Variants in PRC1 observed in about 807,000 individuals in gnomAD.
The protein encoded by PRC1 is anaphase spindle elongation 1 homolog.
In PRC1, 54 loss-of-function variants were observed where a neutral mutation model predicts 91.2. The ratio of observed to expected loss-of-function variants is 0.59; its 90% CI spans 0.48 to 0.74. PRC1 has a LOEUF of 0.74. PRC1 is among the 30% of genes least tolerant of loss of function. PRC1 has a pLI of 0.00. For missense variants in PRC1, 727 were observed against 746.2 expected (o/e 0.97, Z 0.30); for synonymous variants, 275 against 263.6 (o/e 1.04, Z -0.42).
chr15:90,970,981 T>G (rs1567181431), intron 11 of PRC1, among the ~76,000 whole-genome samples: 2 of 152,152 alleles, frequency 1.3e-5, no homozygotes, highest in Non-Finnish European at 2.9e-5. Flanking sequence ...GAGTGACCTT[T>G]TGATACATAC....
rs1349769959 is a variant in PRC1 at position 90,987,230 on chromosome 15, A to G, written c.12-2405T>C. ...TGAGAGGATGAGGCTGCAGTGAGCT[A>G]TGATCACTGCACTCCAAAGCAACAC... is the stretch of plus-strand genomic sequence containing the variant. On this transcript the variant is annotated intron_variant, in intron 1 of 14. Transcript: ENST00000394249. 2.0e-5 allele frequency among the ~76,000 whole-genome samples: 3 copies of G among 152,096 alleles called. 1 individual carries two copies. The highest frequency in any genetic ancestry group is 4.4e-5 in the Non-Finnish European group (3 of 68,018).
At chr15:90,989,511 G>A (rs1162318270) in intron 1 of PRC1, among the ~76,000 whole-genome samples, 1 of 148,964 alleles carries the variant, frequency 6.7e-6, no homozygotes, top group Non-Finnish European at 1.5e-5. Context: ...CTCCCAAAGT[G>A]TTGGGATAAC....
At chr15:90,980,795 T>G (rs1338200737) in intron 6 of PRC1, 89 bp downstream of exon 6, 1 of 1,562,596 alleles carries the variant, frequency 6.4e-7, no homozygotes. Context: ...CATGAACCAC[T>G]GAGCCTGGCC....
chr15:90,968,323 T>A (rs2037718910), intron 14 of PRC1: 1 of 985,404 alleles, frequency 1.0e-6, no homozygotes, highest in South Asian at 4.7e-5. Context: ...GTTTCAGTGA[T>A]CAAAACTAGC....
At chr15:90,968,696 T>TG (rs2037764429) in intron 14 of PRC1, 1 of 1,053,812 alleles carries the variant, frequency 9.5e-7, no homozygotes, top group South Asian at 3.3e-5. Context: ...CAGGAAATAA[T>TG]CAGCACACAG....
Position 90,984,782 on chromosome 15 carries a change from G to C in PRC1, c.55C>G (p.Leu19Val), listed in dbSNP as rs1212891875. 1 of 1,613,998 alleles carries C rather than the reference G, an allele frequency of 6.2e-7. No individual in the cohort carries two copies. The highest frequency in any genetic ancestry group is 2.2e-5 in the East Asian group (1 of 44,896). The stretch of plus-strand genomic sequence containing the variant: ...TCCCATATTTCCCGAAGGTGATTTA[G>C]GGCTTTCTGCAGACATACTATGGAC... ...EESIVCLQKA[L>V]NHLREIWELI... Residue 19 changes from leucine to valine, a missense_variant, in exon 2 of 15, where the codon CTA becomes GTA. Physicochemically the swap from Leu to Val is conservative, Grantham distance 32. Transcript: ENST00000394249. The surrounding 1 kb of genome is among the most constrained non-coding windows in gnomAD (Gnocchi z 5.1).
At position 90,974,719 on chromosome 15, in the gene PRC1, A is replaced by G. The variant is rs778404233; in HGVS notation, c.1216T>C (p.Leu406=). 3 of 1,613,898 alleles carry G rather than the reference A, an allele frequency of 1.9e-6. No homozygotes were observed. The highest frequency in any genetic ancestry group is 2.5e-6 in the Non-Finnish European group (3 of 1,180,008). Residue 406 remains leucine (L), a synonymous_variant, in exon 10 of 15, where the codon TTG becomes CTG. Coordinates refer to ENST00000394249, the MANE Select transcript of PRC1 (RefSeq NM_003981.4). The surrounding 1 kb of genome is among the most constrained non-coding windows in gnomAD (Gnocchi z 4.6). ...QKMLPKLEEE[L]KARIELWEQE... ...TCCCACAATTCAATTCGTGCCTTCA[A>G]CTCTTCTTCCAGCTGAGACCAGAAA...
At chr15:90,973,844 C>G (rs1303916373) in intron 11 of PRC1, among the ~76,000 whole-genome samples, 1 of 152,042 alleles carries the variant, frequency 6.6e-6, no homozygotes, top group Non-Finnish European at 1.5e-5. Context: ...CCCACTATCA[C>G]CCTGTCCTCC....
chr15:90,989,775 CA>C (rs891881882), intron 1 of PRC1, among the ~76,000 whole-genome samples: 1 of 151,914 alleles, frequency 6.6e-6, no homozygotes, highest in South Asian at 2.1e-4. Flanking sequence ...ACCTTGAAAA[CA>C]TTATGTTAAG....
Position 90,981,031 on chromosome 15 carries a change from C to T in PRC1, c.675G>A (p.Leu225=). 5 of 1,614,096 alleles carry T rather than the reference C, an allele frequency of 3.1e-6. No homozygotes were observed. Among genetic ancestry groups the T allele is most frequent in the Non-Finnish European group, 4.2e-6 (5 of 1,180,024 alleles). The change falls in exon 6 of 15, where the codon CTG becomes CTA. Residue 225 remains leucine (L), a splice_region_variant and synonymous_variant. Transcript: ENST00000394249. ...IATLQKLLRQ[L]EMQKSQNEAV... ...CTTCATTTTGTGATTTCTGCATTTC[C>T]AGCTACAGCATAGAAAGCCAGTGTC...
At chr15:90,987,511 A>G (rs2039671087) in intron 1 of PRC1, 1 of 152,236 alleles carries the variant, frequency 6.6e-6, no homozygotes, top group Non-Finnish European at 1.5e-5. Flanking sequence ...TTTATCTAAA[A>G]TACAAATTTA....
intron 1 of PRC1, among the ~76,000 whole-genome samples, chr15:90,991,188 G>A (rs1371274087): frequency 2.6e-5 from 4 of 151,768 alleles, no homozygotes; most frequent in African/African-American, 9.7e-5. Flanking sequence ...GGCCAAGGCG[G>A]GCGGATCACC....
In PRC1 at chr15:90,968,279, C is replaced by T. The variant is rs113525625; in HGVS notation, c.1791+800G>A. The T allele has an allele frequency of 4.1e-3, 4,034 of 985,384 alleles. 131 individuals carry two copies. In the African/African-American group the frequency reaches 0.065, roughly 16 times the overall value. The allele number at this position is 985,384 out of a possible 1,614,324, so 61.0% of individuals were successfully genotyped here. A position where few individuals can be genotyped will look rare whatever the true frequency, so the allele number is the denominator to read the frequency against. On this transcript the variant is annotated intron_variant, in intron 14 of 14. Transcript: ENST00000394249. ...TTAAAGGTAGAAGCACCACCAGCCA[C>T]GTAATTTGAAAAACATGCTGGAGTA...
At position 90,969,067 on chromosome 15, in the gene PRC1, T is replaced by G. The variant is rs1297863858; in HGVS notation, c.1791+12A>C. 1.9e-6 allele frequency: 3 copies of G among 1,614,076 alleles called. No individual in the cohort carries two copies. Among genetic ancestry groups the G allele is most frequent in the South Asian group, 2.2e-5 (2 of 91,076 alleles). Reference sequence around the variant, plus strand: ...GTTTGGAAAAGGGACATGCAGGGATTGCCATACAGACCTGAAGCCCAACAG... The same window carrying G: ...GTTTGGAAAAGGGACATGCAGGGATGGCCATACAGACCTGAAGCCCAACAG... On this transcript the variant is annotated intron_variant, in intron 14 of 14. Transcript: ENST00000394249.
intron 14 of PRC1, chr15:90,967,473 A>T (rs554460729): frequency 4.4e-6 from 2 of 451,210 alleles, no homozygotes; most frequent in African/African-American, 3.9e-5. Context: ...AATCCTTCAT[A>T]CAGTCATGCA....
chr15:90,981,631 C>T lies in PRC1; in HGVS notation c.540G>A (p.Gln180=), dbSNP rs751043836. Residue 180 remains glutamine, a synonymous_variant, in exon 5 of 15, where the codon CAG becomes CAA. Transcript: ENST00000394249. The part of the protein sequence containing the change: ...RREEFVSIKR[Q]IILCMEALDH... ...CTAATGCTTCCATACACAGTATGAT[C>T]TGTCTCTTTATACTGACAAACTCCT... is the stretch of plus-strand genomic sequence containing the variant. 6.2e-7 allele frequency: 1 copy of T among 1,614,062 alleles called. No homozygotes were observed. Among genetic ancestry groups the T allele is most frequent in the Non-Finnish European group, 8.5e-7 (1 of 1,179,952 alleles).
At position 90,984,067 on chromosome 15, in the gene PRC1, T is replaced by C. The variant is rs1266381455; in HGVS notation, c.218A>G (p.Gln73Arg). 1 of 1,614,042 alleles carries C rather than the reference T, an allele frequency of 6.2e-7. No homozygotes were observed. Among genetic ancestry groups the C allele is most frequent in the Non-Finnish European group, 8.5e-7 (1 of 1,180,026 alleles). Residue 73 changes from glutamine to arginine, a missense_variant, in exon 3 of 15, where the codon CAG becomes CGG. Coordinates refer to ENST00000394249, the MANE Select transcript of PRC1 (RefSeq NM_003981.4). The surrounding 1 kb of genome is among the most constrained non-coding windows in gnomAD (Gnocchi z 5.1). The part of the protein sequence containing the change: ...ERLIKSISVC[Q>R]KELNTLCSEL... ...GCTGCACAGAGTGTTCAGCTCTTTC[T>C]GACAGACGGATATGCTTTTGATGAG...
intron 1 of PRC1, among the ~76,000 whole-genome samples, chr15:90,986,230 T>C (rs1240394868): frequency 6.6e-6 from 1 of 152,150 alleles, no homozygotes; most frequent in Non-Finnish European, 1.5e-5. Flanking sequence ...TATATGAGAA[T>C]GGTTAGAGAA....
chr15:90,968,466 G>T, intron 14 of PRC1: 1 of 985,600 alleles, frequency 1.0e-6, no homozygotes, highest in Non-Finnish European at 1.2e-6. Context: ...ATTGAGAGAA[G>T]AAATCACAGA....
Sources: gnomAD v4.1 joint callset for allele counts (sites outside exome capture counted in the v4.1 genomes callset) on GRCh38, gnomAD v4.1.1 for gene constraint, Gnocchi (gnomAD v3.1) non-coding constraint, MANE v1.5 for transcripts, NCBI Gene and HGNC (gene_info 2026-07-23, HGNC 2026-07-21) for gene names.